Variants in WDHD1 observed in about 807,000 individuals in gnomAD.
WDHD1 encodes the protein WD repeat and HMG-box DNA binding protein 1.
WDHD1 carries 111 observed loss-of-function variants against 135.4 expected under a neutral mutation model. The ratio of observed to expected loss-of-function variants is 0.82; its 90% CI spans 0.70 to 0.96. The LOEUF (loss-of-function observed/expected upper bound fraction) is 0.96, where lower values mean the gene tolerates loss of function less well. Ranked by LOEUF, WDHD1 falls within the 40% of genes least tolerant of loss-of-function variation. WDHD1 has a pLI of 0.00. For synonymous variants in WDHD1, 434 were observed against 439.0 expected, an observed-to-expected ratio of 0.99 and a Z score of 0.14; for missense variants, 1,351 against 1,336.3, an observed-to-expected ratio of 1.01 and a Z score of -0.17.
At chr14:54,991,531 G>GCA in intron 11 of WDHD1, 131 bp from the exon 12 acceptor site, 1 of 855,414 alleles carries the variant, frequency 1.2e-6, no homozygotes, top group Non-Finnish European at 1.8e-6. Flanking sequence ...CTCTTTCACT[G>GCA]TGTTAAAGAG....
At chr14:55,017,176 C>G (rs1023322540) in intron 2 of WDHD1, among the ~76,000 whole-genome samples, 1 of 152,114 alleles carries the variant, frequency 6.6e-6, no homozygotes, top group Non-Finnish European at 1.5e-5. Context: ...TTAATTTTTA[C>G]AGTAATACAA....
intron 23 of WDHD1, among the ~76,000 whole-genome samples, chr14:54,955,959 G>A (rs562370269): frequency 4.0e-4 from 59 of 147,560 alleles, no homozygotes; most frequent in African/African-American, 1.3e-3. Context: ...GTGCAGTGGC[G>A]CTATCTCGGC....
At chr14:54,995,128 C>T (rs533658786) in intron 11 of WDHD1, among the ~76,000 whole-genome samples, 4 of 152,128 alleles carry the variant, frequency 2.6e-5, no homozygotes, top group Non-Finnish European at 4.4e-5. Context: ...ATTACAGGCA[C>T]GTGCCACCAC....
Position 54,955,681 on chromosome 14 carries a change from G to T in WDHD1, c.2930C>A (p.Ser977Tyr). 1.3e-6 allele frequency: 2 copies of T among 1,566,978 alleles called. No homozygotes were observed. Among genetic ancestry groups the T allele is most frequent in the East Asian group, 2.4e-5 (1 of 41,956 alleles). Residue 977 changes from serine (S) to tyrosine (Y), a missense_variant, in exon 24 of 26, where the codon TCC (serine) becomes TAC (tyrosine). This residue lies in a region of WDHD1 where 1,330 missense variants were observed against 1,296.1 expected (regional missense o/e 1.03). Transcript: ENST00000360586. ...KPKPKQASAA[S>Y]YFQKRNSQTN... ...TTGAGAATTTCTTTTCTGGAAATAG[G>T]ATGCTGCAGATGCCTATAAAAACAA...
At chr14:54,948,213 G>C (rs560511660) in intron 24 of WDHD1, among the ~76,000 whole-genome samples, 1 of 152,216 alleles carries the variant, frequency 6.6e-6, no homozygotes, top group Admixed American at 6.5e-5. Context: ...CGCAGAACAG[G>C]GGGTGTGGCA....
At chr14:54,956,640 T>C (rs181675677) in intron 23 of WDHD1, among the ~76,000 whole-genome samples, 4 of 151,988 alleles carry the variant, frequency 2.6e-5, no homozygotes, top group Admixed American at 2.0e-4. Context: ...AGCCTCTGTC[T>C]CAAAAAAGAC....
chr14:55,013,949 T>C (rs974144779), intron 2 of WDHD1, among the ~76,000 whole-genome samples: 1 of 152,186 alleles, frequency 6.6e-6, no homozygotes, highest in South Asian at 2.1e-4. Context: ...CATTAGTTTT[T>C]TGGAATGCTA....
At position 54,989,714 on chromosome 14, in the gene WDHD1, C is replaced by G. The variant is rs144243246; in HGVS notation, c.1342-502G>C. Among the ~76,000 whole-genome samples, 687 of 151,072 alleles carry G rather than the reference C, an allele frequency of 4.5e-3. 6 individuals carry two copies. Among genetic ancestry groups the G allele is most frequent in the African/African-American group, 0.016 (646 of 41,046 alleles). On this transcript the variant is annotated intron_variant, in intron 12 of 25. Transcript: ENST00000360586. ...TTGCTCTGTCACCCAAGCTGGAGTG[C>G]AGTGGCATGATCTCGGCTCACCGCA...
intron 16 of WDHD1, among the ~76,000 whole-genome samples, chr14:54,974,947 G>C (rs1482908060): frequency 6.6e-6 from 1 of 152,174 alleles, no homozygotes; most frequent in African/African-American, 2.4e-5. Context: ...CATTTGAGGG[G>C]ACTTTGCTCA....
At chr14:55,001,198 T>C (rs2140214523) in intron 8 of WDHD1, among the ~76,000 whole-genome samples, 1 of 152,348 alleles carries the variant, frequency 6.6e-6, no homozygotes, top group East Asian at 1.9e-4. Flanking sequence ...AACCTCACTT[T>C]TCAATAACAT....
In WDHD1 at chr14:55,008,315, C is replaced by A; in HGVS notation, c.504+1G>T. 6.2e-7 allele frequency: 1 copy of A among 1,612,948 alleles called. No individual in the cohort carries two copies. Among genetic ancestry groups the A allele is most frequent in the Non-Finnish European group, 8.5e-7 (1 of 1,179,448 alleles). Reference sequence around the variant, plus strand: ...CTTTAAATTTAAATTGCTGAGTTTACCTGATCTGAAATTTGCCACACTCTG... The same window carrying A: ...CTTTAAATTTAAATTGCTGAGTTTAACTGATCTGAAATTTGCCACACTCTG... On this transcript the variant is annotated splice_donor_variant, in intron 6 of 25. Transcript: ENST00000360586. LOFTEE classifies it high-confidence loss of function.
Position 54,983,477 on chromosome 14 carries a change from A to T in WDHD1, c.1906+1246T>A, listed in dbSNP as rs929233828. On this transcript the variant is annotated intron_variant, in intron 15 of 25. Transcript: ENST00000360586. Reference sequence around the variant, plus strand: ...CACATGAGGTCAGGAGTTCAAGACCAGCCTGGCCAGCATGGTAAAACCCTG... The same window carrying T: ...CACATGAGGTCAGGAGTTCAAGACCTGCCTGGCCAGCATGGTAAAACCCTG... Among the ~76,000 whole-genome samples, 6 of 152,012 alleles carry T rather than the reference A, an allele frequency of 3.9e-5. No individual in the cohort carries two copies. The East Asian group carries it at 9.7e-4, about 25-fold the overall frequency.
chr14:54,989,047 T>G lies in WDHD1; in HGVS notation c.1507A>C (p.Ser503Arg). 2 of 1,611,840 alleles carry G rather than the reference T, an allele frequency of 1.2e-6. No individual in the cohort carries two copies. The highest frequency in any genetic ancestry group is 8.5e-7 in the Non-Finnish European group (1 of 1,178,616). The change falls in exon 13 of 26, where the codon AGC (serine) becomes CGC (arginine). Residue 503 changes from serine (S) to arginine (R), a missense_variant. By Grantham distance (110) the Ser-to-Arg change is moderately radical. Transcript: ENST00000360586. ...SHEAILLACE[S>R]TDELASKLHC... ...GTTTACCTTGCTAGTTCATCAGTGC[T>G]TTCACATGCCAACAAAATAGCTTCG...
Position 54,939,384 on chromosome 14 carries a change from G to A in WDHD1, c.*2106C>T, listed in dbSNP as rs1337160682. Reference sequence around the variant, plus strand: ...GTCCCCAGAGCTGCACATAACCCCAGTGCCTATTCACTTGTTCTCCAAAAT... The same window carrying A: ...GTCCCCAGAGCTGCACATAACCCCAATGCCTATTCACTTGTTCTCCAAAAT... On this transcript the variant is annotated 3_prime_UTR_variant, in exon 26 of 26. Transcript: ENST00000360586. The A allele has an allele frequency of 6.6e-6, 1 of 152,122 alleles. No homozygotes were observed. Among genetic ancestry groups the A allele is most frequent in the African/African-American group, 2.4e-5 (1 of 41,432 alleles). The allele number at this position is 152,122 out of a possible 1,614,324, so 9.4% of individuals were successfully genotyped here.
chr14:54,945,527 C>A (rs1353485142), intron 24 of WDHD1, among the ~76,000 whole-genome samples: 1 of 152,102 alleles, frequency 6.6e-6, no homozygotes, highest in African/African-American at 2.4e-5. Context: ...AACAACCAGG[C>A]AATTTGACTC....
chr14:54,941,494 T>C lies in WDHD1; in HGVS notation c.3386A>G (p.Glu1129Gly). ...CCCTAGGGTCACTTTCTTCCTTTAC[T>C]CCTGCTTAAATGCAAAAGCTGATAG... ...QKLSAFAFKQ[E>G] Residue 1129 changes from glutamate (E) to glycine (G), a missense_variant, in exon 26 of 26, where the codon GAG becomes GGG. By Grantham distance (98) the Glu-to-Gly change is moderately conservative. Around this residue, in one of 2 missense-constraint regions of WDHD1, gnomAD observed 1,330 missense variants for 1,296.1 expected, o/e 1.03. Transcript: ENST00000360586. The C allele has an allele frequency of 6.2e-7, 1 of 1,609,744 alleles. No individual in the cohort carries two copies.
intron 12 of WDHD1, among the ~76,000 whole-genome samples, chr14:54,989,746 G>A (rs1387063287): frequency 1.3e-5 from 2 of 150,472 alleles, no homozygotes; most frequent in African/African-American, 4.9e-5. Context: ...CGCAACCTCT[G>A]CCTCCTGGAT....
At chr14:54,977,628 T>C (rs910191596) in intron 16 of WDHD1, among the ~76,000 whole-genome samples, 4 of 152,158 alleles carry the variant, frequency 2.6e-5, no homozygotes, top group Non-Finnish European at 5.9e-5. Flanking sequence ...AAAAAAGGAC[T>C]CTTGTTCAAG....
At chr14:54,961,838 TC>T (rs1305050427) in intron 21 of WDHD1, among the ~76,000 whole-genome samples, 62 of 146,202 alleles carry the variant, frequency 4.2e-4, no homozygotes, top group African/African-American at 1.5e-3. Context: ...CATTTTCAAC[TC>T]CTTTTTTTTT....
Sources: gnomAD v4.1 joint callset for allele counts (sites outside exome capture counted in the v4.1 genomes callset) on GRCh38, gnomAD v4.1.1 for gene constraint, gnomAD v4.1.1 regional missense constraint, MANE v1.5 for transcripts, NCBI Gene and HGNC (gene_info 2026-07-23, HGNC 2026-07-21) for gene names.